C12orf42: variants seen among roughly 807,000 people sequenced by gnomAD.
C12orf42 encodes the protein chromosome 12 open reading frame 42.
In C12orf42, 25 loss-of-function variants were observed where a neutral mutation model predicts 21.6. The ratio of observed to expected loss-of-function variants is 1.16; its 90% CI spans 0.84 to 1.62. The LOEUF (loss-of-function observed/expected upper bound fraction) is 1.62. Among genes scored for constraint, C12orf42 ranks in the 40% most tolerant of loss-of-function variants. C12orf42 has a pLI of 0.00. For missense variants in C12orf42, 483 were observed against 459.3 expected, an observed-to-expected ratio of 1.05 and a Z score of -0.47; for synonymous variants, 174 against 175.0, an observed-to-expected ratio of 0.99 and a Z score of 0.05.
At chr12:103,486,037 C>T (rs1237937251) in intron 1 of C12orf42, among the ~76,000 whole-genome samples, 1 of 152,198 alleles carries the variant, frequency 6.6e-6, no homozygotes, top group Admixed American at 6.5e-5. Flanking sequence ...CAGAGAACAT[C>T]CTTGTCTTGT....
chr12:103,269,392 C>T (rs986011623), intron 6 of C12orf42, among the ~76,000 whole-genome samples: 2 of 152,110 alleles, frequency 1.3e-5, no homozygotes, highest in African/African-American at 4.8e-5. Flanking sequence ...ATCGCATTGA[C>T]AGGGCCATAC....
the C12orf42 span, among the ~76,000 whole-genome samples, chr12:103,185,607 T>C: frequency 6.6e-6 from 1 of 152,132 alleles, no homozygotes; most frequent in African/African-American, 2.4e-5. Flanking sequence ...CCAGATCTCA[T>C]CTTGAATTAT....
At chr12:103,392,852 C>A (rs2047188121) in intron 3 of C12orf42, among the ~76,000 whole-genome samples, 2 of 152,088 alleles carry the variant, frequency 1.3e-5, no homozygotes, top group Admixed American at 6.6e-5. Flanking sequence ...GGCAGCTGTG[C>A]AGTAGCAGAA....
chr12:103,230,620 G>T, the C12orf42 span, among the ~76,000 whole-genome samples: 1 of 152,178 alleles, frequency 6.6e-6, no homozygotes, highest in Non-Finnish European at 1.5e-5. Context: ...AAGGCCTCTT[G>T]TCTGACCCCC....
chr12:103,275,783 CT>C (rs1000120373), intron 5 of C12orf42, among the ~76,000 whole-genome samples: 1 of 140,836 alleles, frequency 7.1e-6, no homozygotes, highest in African/African-American at 2.7e-5. Context: ...GACAGACAAA[CT>C]TTTTTTTTAA....
the C12orf42 span, among the ~76,000 whole-genome samples, chr12:103,228,646 G>T: frequency 3.8e-3 from 578 of 152,080 alleles, 5 homozygotes; most frequent in African/African-American, 0.013. Flanking sequence ...TGAAGGGAAG[G>T]CTTCTGTCCT....
chr12:103,535,184 A>G, the C12orf42 span, among the ~76,000 whole-genome samples: 1 of 152,192 alleles, frequency 6.6e-6, no homozygotes, highest in South Asian at 2.1e-4. Context: ...AGAGAAGCTA[A>G]ATCCTGAAAG....
intron 1 of C12orf42, among the ~76,000 whole-genome samples, chr12:103,485,602 G>A (rs970284589): frequency 6.6e-6 from 1 of 152,160 alleles, no homozygotes; most frequent in African/African-American, 2.4e-5. Flanking sequence ...TCCTATCCAT[G>A]AGCATGAAAT....
chr12:103,301,156 T>C (rs1486707641), downstream of C12orf42, among the ~76,000 whole-genome samples: 1 of 152,212 alleles, frequency 6.6e-6, no homozygotes, highest in African/African-American at 2.4e-5. Context: ...AATGTAATCA[T>C]ACTGTGTATA....
chr12:103,194,788 A>T, the C12orf42 span, among the ~76,000 whole-genome samples: 55,782 of 151,922 alleles, frequency 0.37, 10,937 homozygotes, highest in South Asian at 0.45. Context: ...AAAATTCCAA[A>T]AGCATTTTTT....
chr12:103,223,263 G>A, the C12orf42 span, among the ~76,000 whole-genome samples: 22 of 152,236 alleles, frequency 1.4e-4, no homozygotes, highest in South Asian at 8.3e-4. Context: ...TAGGGGCGTC[G>A]TGGGAACCTA....
intron 2 of C12orf42, among the ~76,000 whole-genome samples, chr12:103,440,457 CAAAAAAAAA>C: frequency 1.7e-4 from 12 of 69,666 alleles, no homozygotes; most frequent in South Asian, 6.8e-4. Flanking sequence ...TCACAGATAC[CAAAAAAAAA>C]AAAAAAAAAA....
chr12:103,451,063 T>C (rs1951905681), intron 2 of C12orf42, among the ~76,000 whole-genome samples: 1 of 152,062 alleles, frequency 6.6e-6, no homozygotes, highest in Non-Finnish European at 1.5e-5. Context: ...TCACTTTGGG[T>C]GTGTCAGACT....
the C12orf42 span, among the ~76,000 whole-genome samples, chr12:103,062,375 T>C: frequency 6.6e-6 from 1 of 151,926 alleles, no homozygotes; most frequent in Non-Finnish European, 1.5e-5. Flanking sequence ...CATATGTGTA[T>C]GTCATTTTTA....
chr12:103,266,755 T>G (rs973894308), downstream of C12orf42, among the ~76,000 whole-genome samples: 2 of 152,148 alleles, frequency 1.3e-5, no homozygotes, highest in Non-Finnish European at 2.9e-5. Context: ...AGTAGAGTAT[T>G]TTTAGATTAA....
At chr12:103,425,536 A>C (rs1949732982) in intron 2 of C12orf42, among the ~76,000 whole-genome samples, 1 of 152,218 alleles carries the variant, frequency 6.6e-6, no homozygotes, top group African/African-American at 2.4e-5. Flanking sequence ...GGTGATACTC[A>C]GGCAAACAGG....
chr12:103,463,063 C>A (rs945353703), intron 2 of C12orf42, among the ~76,000 whole-genome samples: 4 of 152,162 alleles, frequency 2.6e-5, no homozygotes, highest in African/African-American at 9.7e-5. Context: ...GAAAAGGAGA[C>A]TGATATATAA....
chr12:103,173,762 G>A, the C12orf42 span, among the ~76,000 whole-genome samples: 6 of 151,944 alleles, frequency 3.9e-5, no homozygotes, highest in Non-Finnish European at 5.9e-5. Flanking sequence ...CTGATTAATC[G>A]TGTGGTTTCT....
At chr12:103,547,335 A>T in the C12orf42 span, among the ~76,000 whole-genome samples, 3 of 152,228 alleles carry the variant, frequency 2.0e-5, no homozygotes, top group African/African-American at 7.2e-5. Context: ...CAGATACAGA[A>T]CATTTCCATT....
Sources: allele counts gnomAD v4.1 joint callset (sites outside exome capture counted in the v4.1 genomes callset), GRCh38; gene constraint gnomAD v4.1.1; transcripts MANE v1.5; gene names NCBI Gene and HGNC (gene_info 2026-07-23, HGNC 2026-07-21).